The following FCN2 variants were observed in gnomAD, a reference collection of about 807,000 sequenced individuals.
FCN2 encodes ficolin-2.
FCN2 carries 31 observed loss-of-function variants against 32.5 expected under a neutral mutation model. The ratio of observed to expected loss-of-function variants is 0.96; its 90% confidence interval spans 0.72 to 1.29. The LOEUF is 1.29. FCN2 is among the 50% of genes most tolerant of loss of function. FCN2 has a pLI of 0.00. For synonymous variants in FCN2, 181 were observed against 164.5 expected (o/e 1.10, Z -0.77); for missense variants, 412 against 406.5 (o/e 1.01, Z -0.12).
intron 4 of FCN2, 130 bp from the exon 5 acceptor site, chr9:134,885,109 A>G: frequency 7.5e-7 from 1 of 1,331,542 alleles, no homozygotes; most frequent in African/African-American, 1.4e-5. Flanking sequence ...GTCCCTGTCC[A>G]GGCCTCAGAG....
chr9:134,887,265 T>A lies in FCN2; in HGVS notation c.792T>A (p.Ala264=), dbSNP rs147940112. The change falls in exon 8 of 8, where the codon GCT becomes GCA. Residue 264 remains alanine, a synonymous_variant. Coordinates refer to ENST00000291744, the MANE Select transcript of FCN2 (RefSeq NM_004108.3). Reference sequence around the variant, plus strand: ...ATTGTGCTGTGATGTTTCAGGGAGCTTGGTGGTACAAAAACTGCCATGTGT... The same window carrying A: ...ATTGTGCTGTGATGTTTCAGGGAGCATGGTGGTACAAAAACTGCCATGTGT... ...TGNCAVMFQG[A]WWYKNCHVSN... is the part of the protein sequence containing the mutation. 5.9e-4 allele frequency: 956 copies of A among 1,614,166 alleles called. No individual in the cohort carries two copies. The highest frequency in any genetic ancestry group is 7.7e-4 in the Non-Finnish European group (905 of 1,180,036).
chr9:134,881,692 G>A (rs537448667), intron 1 of FCN2, among the ~76,000 whole-genome samples: 71 of 152,242 alleles, frequency 4.7e-4, no homozygotes, highest in South Asian at 2.1e-4. Flanking sequence ...GACTAGCATC[G>A]CATTCAAGGA....
the FCN2 span, among the ~76,000 whole-genome samples, chr9:134,868,733 C>T: frequency 6.6e-6 from 1 of 152,222 alleles, no homozygotes; most frequent in East Asian, 1.9e-4. The surrounding 1 kb of genome is among the most constrained non-coding windows in gnomAD (Gnocchi z 4.3). Flanking sequence ...GCTTGCCTCA[C>T]AGACAATGGT....
At chr9:134,883,660 G>A (rs191185123) in intron 3 of FCN2, among the ~76,000 whole-genome samples, 118 of 149,108 alleles carry the variant, frequency 7.9e-4, no homozygotes, top group Admixed American at 2.7e-3. Flanking sequence ...TCTCAATGTC[G>A]GAGGAGGGGT....
At chr9:134,865,682 G>A in the FCN2 span, among the ~76,000 whole-genome samples, 1 of 152,130 alleles carries the variant, frequency 6.6e-6, no homozygotes, top group African/African-American at 2.4e-5. Context: ...CATGTCTCTG[G>A]TGAGAGCACC....
chr9:134,865,603 A>C, the FCN2 span, among the ~76,000 whole-genome samples: 1 of 152,048 alleles, frequency 6.6e-6, no homozygotes. Context: ...AGTGGTCTAC[A>C]CTTGTTCTGA....
rs370376987 is a variant in FCN2 at position 134,887,440 on chromosome 9, C to G, written c.*25C>G. 6.2e-7 allele frequency: 1 copy of G among 1,612,002 alleles called. No individual in the cohort carries two copies. The highest frequency in any genetic ancestry group is 1.1e-5 in the South Asian group (1 of 90,960). ...GCCCAGGCCGGCCTCAGGGTCAGGA[C>G]GCCTCCACACATAGTTGGTTGGGGG... On this transcript the variant is annotated 3_prime_UTR_variant, in exon 8 of 8. Transcript: ENST00000291744.
chr9:134,883,087 C>G (rs555805443), intron 2 of FCN2, among the ~76,000 whole-genome samples: 2 of 152,224 alleles, frequency 1.3e-5, no homozygotes, highest in Admixed American at 1.3e-4. Context: ...TTCCAGCTCC[C>G]GGCCCCTGAG....
At chr9:134,879,593 A>C (rs1830635600), upstream of FCN2, among the ~76,000 whole-genome samples, 2 of 152,142 alleles carry the variant, frequency 1.3e-5, no homozygotes. Context: ...CCCCAGGTTC[A>C]TCCCTGGACC....
At chr9:134,876,725 C>G (rs991834661), upstream of FCN2, among the ~76,000 whole-genome samples, 3 of 152,150 alleles carry the variant, frequency 2.0e-5, no homozygotes, top group Non-Finnish European at 4.4e-5. Context: ...ATTACAGGTG[C>G]CTACCACCAC....
chr9:134,880,242 C>A (rs896369132), upstream of FCN2, among the ~76,000 whole-genome samples: 1 of 152,198 alleles, frequency 6.6e-6, no homozygotes, highest in Non-Finnish European at 1.5e-5. Flanking sequence ...GCTCTACATA[C>A]TGCCCCAGGA....
At chr9:134,880,972 G>A in intron 1 of FCN2, 51 bp downstream of exon 1, 1 of 1,384,488 alleles carries the variant, frequency 7.2e-7, no homozygotes, top group Non-Finnish European at 1.0e-6. Context: ...CCTGAAAGCT[G>A]GCAGCTTCGT....
At chr9:134,864,995 TGTGAGGA>T in the FCN2 span, among the ~76,000 whole-genome samples, 1 of 152,070 alleles carries the variant, frequency 6.6e-6, no homozygotes. Context: ...CCACCAGCTG[TGTGAGGA>T]GGCAGTGGGC....
chr9:134,873,142 T>TA, the FCN2 span, among the ~76,000 whole-genome samples: 4 of 144,484 alleles, frequency 2.8e-5, no homozygotes, highest in Admixed American at 2.8e-4. Context: ...TTTTTTTTTT[T>TA]ACTGAGTTTG....
At chr9:134,884,250 C>T (rs1241065238) in intron 3 of FCN2, among the ~76,000 whole-genome samples, 1 of 152,136 alleles carries the variant, frequency 6.6e-6, no homozygotes, top group East Asian at 1.9e-4. Context: ...GCTCCCTTTA[C>T]TCACTCACCT....
chr9:134,867,663 TAAA>T, the FCN2 span, among the ~76,000 whole-genome samples: 54 of 140,228 alleles, frequency 3.9e-4, no homozygotes, highest in Middle Eastern at 3.6e-3. Flanking sequence ...GGGGATACTT[TAAA>T]AAAAAAAAAA....
the FCN2 span, among the ~76,000 whole-genome samples, chr9:134,873,903 TTTTTTG>T: frequency 3.9e-4 from 9 of 22,908 alleles, no homozygotes; most frequent in South Asian, 2.0e-3. Flanking sequence ...TTTTTTGTTT[TTTTTTG>T]TTTTTGTTTT....
upstream of FCN2, among the ~76,000 whole-genome samples, chr9:134,877,339 G>T (rs1830612889): frequency 6.6e-6 from 1 of 152,044 alleles, no homozygotes; most frequent in East Asian, 1.9e-4. Flanking sequence ...CTGCCTTTTT[G>T]TTTTCATTCA....
the FCN2 span, among the ~76,000 whole-genome samples, chr9:134,869,329 C>T: frequency 6.6e-6 from 1 of 152,348 alleles, no homozygotes; most frequent in East Asian, 1.9e-4. Flanking sequence ...GGTCCTCCTC[C>T]CTCAAGCGCT....
Sources: allele counts gnomAD v4.1 joint callset (sites outside exome capture counted in the v4.1 genomes callset), GRCh38; gene constraint gnomAD v4.1.1; non-coding constraint Gnocchi (gnomAD v3.1); transcripts MANE v1.5; gene names NCBI Gene and HGNC (gene_info 2026-07-23, HGNC 2026-07-21).